SLC15A5: variants seen among roughly 807,000 people sequenced by gnomAD.
The protein encoded by SLC15A5 is solute carrier family 15 member 5.
SLC15A5 carries 58 observed loss-of-function variants against 56.1 expected under a neutral mutation model. That is an observed-to-expected ratio of 1.03 (90% CI 0.84 to 1.29). The LOEUF (loss-of-function observed/expected upper bound fraction) is 1.29. Among genes scored for constraint, SLC15A5 ranks in the 50% most tolerant of loss-of-function variants. The pLI, the probability that SLC15A5 is intolerant of heterozygous loss-of-function variation, is 0.00. For missense variants in SLC15A5, 681 were observed against 672.1 expected (o/e 1.01, Z -0.15); for synonymous variants, 264 against 250.5 (o/e 1.05, Z -0.51).
In SLC15A5 at chr12:16,243,854, C is replaced by T. The variant is rs1281324147; in HGVS notation, c.975+726G>A. On this transcript the variant is annotated intron_variant, in intron 4 of 8. Coordinates refer to ENST00000344941, the MANE Select transcript of SLC15A5 (RefSeq NM_001170798.1). This position sits in a 1 kb window ranked among gnomAD's most constrained non-coding sequence, Gnocchi z 4.4. The stretch of plus-strand genomic sequence containing the variant: ...TAAATTTTGTTGCAGCTCTATTATT[C>T]TATGATTTCTAAATGTAACTCATTC... 2.0e-5 allele frequency among the ~76,000 whole-genome samples: 3 copies of T among 152,292 alleles called. No homozygotes were observed. Among genetic ancestry groups the T allele is most frequent in the East Asian group, 1.9e-4 (1 of 5,184 alleles).
At chr12:16,268,722 A>G (rs535017442) in intron 2 of SLC15A5, among the ~76,000 whole-genome samples, 13 of 152,318 alleles carry the variant, frequency 8.5e-5, no homozygotes, top group Admixed American at 2.0e-4. Context: ...GGTTCAATCA[A>G]TGATTAGTTT....
At chr12:16,252,593 C>T (rs1864530462) in intron 3 of SLC15A5, among the ~76,000 whole-genome samples, 1 of 151,764 alleles carries the variant, frequency 6.6e-6, no homozygotes, top group East Asian at 1.9e-4. Flanking sequence ...ATAAACTTAA[C>T]GAAGAAGGTG....
rs1864764011 is a variant in SLC15A5 at position 16,271,983 on chromosome 12, CA to C, written c.584+577del. On this transcript the variant is annotated intron_variant, in intron 2 of 8. Transcript: ENST00000344941. The surrounding 1 kb of genome is among the most constrained non-coding windows in gnomAD (Gnocchi z 8.0). Reference sequence around the variant, plus strand: ...TGCTGGGTGATGCTTTAACAAATTGCAAAATACTTCTTTCATCTTTGCATCT... The same window carrying C: ...TGCTGGGTGATGCTTTAACAAATTGCAAATACTTCTTTCATCTTTGCATCT... Among the ~76,000 whole-genome samples, 1 of 152,110 alleles carries C rather than the reference CA, an allele frequency of 6.6e-6. No individual in the cohort carries two copies. Among genetic ancestry groups the C allele is most frequent in the African/African-American group, 2.4e-5 (1 of 41,422 alleles).
chr12:16,231,503 G>A (rs544299660), intron 5 of SLC15A5, among the ~76,000 whole-genome samples: 6 of 152,282 alleles, frequency 3.9e-5, no homozygotes, highest in African/African-American at 1.2e-4. Flanking sequence ...CTAATCCCCT[G>A]AGGAATCATT....
At chr12:16,194,867 A>G (rs1863878544) in intron 7 of SLC15A5, among the ~76,000 whole-genome samples, 1 of 152,078 alleles carries the variant, frequency 6.6e-6, no homozygotes. Flanking sequence ...CTATGACCAG[A>G]GAGTCTGTTT....
chr12:16,211,423 C>T (rs1422867593), intron 7 of SLC15A5, among the ~76,000 whole-genome samples: 1 of 152,124 alleles, frequency 6.6e-6, no homozygotes, highest in African/African-American at 2.4e-5. Context: ...TTGCCCCTTT[C>T]CCGAATTTTG....
intron 3 of SLC15A5, among the ~76,000 whole-genome samples, chr12:16,251,413 G>A (rs2136799022): frequency 6.6e-6 from 1 of 151,520 alleles, no homozygotes; most frequent in East Asian, 1.9e-4. Flanking sequence ...TTTTTGGAAA[G>A]ATTAAAAAAA....
intron 7 of SLC15A5, among the ~76,000 whole-genome samples, chr12:16,200,730 A>G (rs539767433): frequency 4.6e-5 from 7 of 152,266 alleles, no homozygotes; most frequent in Admixed American, 1.3e-4. Context: ...TTATACATTT[A>G]GAGATACAGA....
intron 2 of SLC15A5, among the ~76,000 whole-genome samples, chr12:16,260,050 C>T (rs1041915195): frequency 1.3e-5 from 2 of 152,144 alleles, no homozygotes; most frequent in African/African-American, 4.8e-5. Context: ...AAGTCTTGCT[C>T]ATGTCTGCTG....
intron 7 of SLC15A5, among the ~76,000 whole-genome samples, chr12:16,205,530 G>T (rs1207581893): frequency 5.8e-5 from 1 of 17,346 alleles, no homozygotes; most frequent in Non-Finnish European, 1.1e-4. Flanking sequence ...GAAGGGAAAG[G>T]TGCATATATA....
rs1243379556 is a variant in SLC15A5 at position 16,216,967 on chromosome 12, A to C, written c.1409T>G (p.Phe470Cys). Residue 470 changes from phenylalanine (F) to cysteine (C), a missense_variant, in exon 7 of 9, where the codon TTT becomes TGT. Transcript: ENST00000344941. ...PSNVRGTSMN[F>C]LTLFNGFGCF... ...GCCAAATCCATTGAACAGTGTCAGA[A>C]AATTCATGGAGGTTCCTCTGACATT... The C allele has an allele frequency of 9.1e-6, 14 of 1,536,900 alleles. No individual in the cohort carries two copies. Among genetic ancestry groups the C allele is most frequent in the Admixed American group, 2.0e-5 (1 of 50,982 alleles).
rs1442062573 is a variant in SLC15A5 at position 16,189,135 on chromosome 12, G to A, written c.*533C>T. The A allele has an allele frequency of 1.3e-5, 2 of 152,030 alleles. No individual in the cohort carries two copies. The highest frequency in any genetic ancestry group is 2.9e-5 in the Non-Finnish European group (2 of 67,998). The allele number at this position is 152,030 out of a possible 1,614,324, so 9.4% of individuals were successfully genotyped here. A position where few individuals can be genotyped will look rare whatever the true frequency, so the allele number is the denominator to read the frequency against. On this transcript the variant is annotated 3_prime_UTR_variant, in exon 9 of 9. Transcript: ENST00000344941. ...TACTGCTTTTAAATTCAGAGAAAAT[G>A]TCCTTAATGAAGTCATATTTTGATA...
At chr12:16,240,048 C>T (rs1442420739) in intron 4 of SLC15A5, among the ~76,000 whole-genome samples, 181 bp from the exon 5 acceptor site, 3 of 152,140 alleles carry the variant, frequency 2.0e-5, no homozygotes. Context: ...GGTAGGAGCT[C>T]TGTCTAGTCT....
In SLC15A5 at chr12:16,196,810, C is replaced by T. The variant is rs1248098448; in HGVS notation, c.1484-2357G>A. On this transcript the variant is annotated intron_variant, in intron 7 of 8. Transcript: ENST00000344941. The surrounding 1 kb of genome is among the most constrained non-coding windows in gnomAD (Gnocchi z 4.0). ...CAGATGAGGAAGAAGAATATAAATT[C>T]ACTAAGATCTTTAAAGGTAAAACAT... is the stretch of plus-strand genomic sequence containing the variant. Among the ~76,000 whole-genome samples, 3 of 152,120 alleles carry T rather than the reference C, an allele frequency of 2.0e-5. No individual in the cohort carries two copies. Among genetic ancestry groups the T allele is most frequent in the Admixed American group, 2.0e-4 (3 of 15,254 alleles).
intron 7 of SLC15A5, among the ~76,000 whole-genome samples, chr12:16,203,624 T>G (rs1863984547): frequency 1.3e-5 from 2 of 152,128 alleles, no homozygotes; most frequent in Admixed American, 1.3e-4. Flanking sequence ...ACAAATATAC[T>G]TAATAAAAAA....
chr12:16,202,987 G>T (rs1406641174), intron 7 of SLC15A5, among the ~76,000 whole-genome samples: 1 of 152,104 alleles, frequency 6.6e-6, no homozygotes, highest in Admixed American at 6.6e-5. Context: ...GGTGGGGGAA[G>T]GGGAAATATT....
intron 2 of SLC15A5, among the ~76,000 whole-genome samples, chr12:16,261,560 A>T (rs1367622353): frequency 6.6e-6 from 1 of 152,230 alleles, no homozygotes; most frequent in African/African-American, 2.4e-5. Context: ...CTTTGAACAG[A>T]CATAGACATT....
rs112355402 is a variant in SLC15A5, at chr12:16,273,717, C to A, written c.362-934G>T. 4.2e-3 allele frequency among the ~76,000 whole-genome samples: 614 copies of A among 144,556 alleles called. 2 individuals carry two copies. Among genetic ancestry groups the A allele is most frequent in the Non-Finnish European group, 6.3e-3 (418 of 66,650 alleles). 94.8% of individuals were successfully genotyped at this position (144,556 alleles called of 152,430 possible). On this transcript the variant is annotated intron_variant, in intron 1 of 8. Coordinates refer to ENST00000344941, the MANE Select transcript of SLC15A5 (RefSeq NM_001170798.1). Reference sequence around the variant, plus strand: ...AATCTCCCTCTTCTTGGACCTCCTACCATCAAGTAGTCAAATAAATTTTTT... The same window carrying A: ...AATCTCCCTCTTCTTGGACCTCCTAACATCAAGTAGTCAAATAAATTTTTT...
intron 7 of SLC15A5, among the ~76,000 whole-genome samples, chr12:16,209,110 C>A (rs1309699150): frequency 6.6e-6 from 1 of 150,892 alleles, no homozygotes; most frequent in Non-Finnish European, 1.5e-5. Flanking sequence ...TTAAAGGTAT[C>A]AGTGATCATA....
Sources: allele counts gnomAD v4.1 joint callset (sites outside exome capture counted in the v4.1 genomes callset), GRCh38; gene constraint gnomAD v4.1.1; non-coding constraint Gnocchi (gnomAD v3.1); transcripts MANE v1.5; gene names NCBI Gene and HGNC (gene_info 2026-07-23, HGNC 2026-07-21).